Variants in LSG1 observed in about 807,000 individuals in gnomAD.
The protein encoded by LSG1 is large 60S subunit nuclear export GTPase 1, also known as large subunit GTPase 1 homolog.
Under a neutral mutation model 82.6 loss-of-function variants are expected in LSG1, and 55 were observed. The observed-to-expected ratio is 0.67, with a 90% confidence interval of 0.54 to 0.83. The LOEUF (loss-of-function observed/expected upper bound fraction) is 0.83, where lower values mean the gene tolerates loss of function less well. LSG1 is among the 40% of genes least tolerant of loss of function. The pLI, the probability that LSG1 is intolerant of heterozygous loss-of-function variation, is 0.00. For synonymous variants in LSG1, 272 were observed against 282.5 expected (o/e 0.96, Z 0.37); for missense variants, 809 against 807.9 (o/e 1.00, Z -0.02).
Position 194,645,519 on chromosome 3 carries a change from C to CACACACAGACACACACACACACACACAG in LSG1, c.1623+644_1623+645insCTGTGTGTGTGTGTGTGTGTCTGTGTGT, listed in dbSNP as rs1560219542. 5.2e-4 allele frequency: 27 copies of CACACACAGACACACACACACACACACAG among 52,018 alleles called. 1 individual carries two copies. The highest frequency in any genetic ancestry group is 6.8e-4 in the African/African-American group (11 of 16,294). The allele number at this position is 52,018 out of a possible 1,614,324, so 3.2% of individuals were successfully genotyped here. A position where few individuals can be genotyped will look rare whatever the true frequency, so the allele number is the denominator to read the frequency against. On this transcript the variant is annotated intron_variant, in intron 12 of 13. Transcript: ENST00000265245. Reference sequence around the variant, plus strand: ...CTACACACACACACACACACACACACACACACACACAGACAGACACACACA... The same window carrying CACACACAGACACACACACACACACACAG: ...CTACACACACACACACACACACACACACACACAGACACACACACACACACACAGACACACACACAGACAGACACACACA...
At position 194,641,852 on chromosome 3, in the gene LSG1, A is replaced by C. The variant is rs574135683; in HGVS notation, c.*216T>G. 14 of 442,898 alleles carry C rather than the reference A, an allele frequency of 3.2e-5. No homozygotes were observed. The highest frequency in any genetic ancestry group is 5.5e-5 in the Non-Finnish European group (14 of 253,194). The allele number at this position is 442,898 out of a possible 1,614,324, so 27.4% of individuals were successfully genotyped here. The stretch of plus-strand genomic sequence containing the variant: ...TGAGCCACTGTGCCCGGCCAGGAGT[A>C]GGATTCTCGGGCTCCCAGATGACTC... On this transcript the variant is annotated 3_prime_UTR_variant, in exon 14 of 14. Coordinates refer to ENST00000265245, the MANE Select transcript of LSG1 (RefSeq NM_018385.3).
At position 194,653,157 on chromosome 3, in the gene LSG1, G is replaced by C; in HGVS notation, c.760-15C>G. 1 of 1,606,478 alleles carries C rather than the reference G, an allele frequency of 6.2e-7. No individual in the cohort carries two copies. The highest frequency in any genetic ancestry group is 8.5e-7 in the Non-Finnish European group (1 of 1,175,668). ...TTTGCCTCTTCCTGACAAAATAATA[G>C]AAACGCTCAGAAGTATATAACTGCA... On this transcript the variant is annotated splice_polypyrimidine_tract_variant and intron_variant, in intron 7 of 13. Transcript: ENST00000265245.
chr3:194,652,655 G>A, intron 8 of LSG1, 74 bp downstream of exon 8: 4 of 1,506,774 alleles, frequency 2.7e-6, no homozygotes, highest in Admixed American at 1.9e-5. Context: ...TGGTCTTTGG[G>A]GTCGTGCAGC....
Position 194,651,033 on chromosome 3 carries a change from C to T in LSG1, c.1276-9G>A. 1 of 1,613,748 alleles carries T rather than the reference C, an allele frequency of 6.2e-7. No homozygotes were observed. Among genetic ancestry groups the T allele is most frequent in the Non-Finnish European group, 8.5e-7 (1 of 1,179,788 alleles). ...GGCTCCACATAGAGAGTCTGGAAGA[C>T]AAGCAAGAGGTTTGAGCTGGGTATA... On this transcript the variant is annotated splice_polypyrimidine_tract_variant and intron_variant, in intron 9 of 13. Coordinates refer to ENST00000265245, the MANE Select transcript of LSG1 (RefSeq NM_018385.3).
intron 5 of LSG1, among the ~76,000 whole-genome samples, chr3:194,661,835 A>C (rs144159008): frequency 6.6e-6 from 1 of 152,244 alleles, no homozygotes; most frequent in Non-Finnish European, 1.5e-5. Context: ...GAAATATCAC[A>C]TAACAAAAAT....
intron 10 of LSG1, among the ~76,000 whole-genome samples, chr3:194,650,551 T>G (rs921777177): frequency 3.3e-5 from 5 of 152,230 alleles, no homozygotes; most frequent in Non-Finnish European, 7.3e-5. Context: ...GAGATAGATT[T>G]TCCCCCACTT....
chr3:194,660,794 A>G, intron 5 of LSG1: 2 of 450,814 alleles, frequency 4.4e-6, no homozygotes, highest in Non-Finnish European at 8.9e-6. Context: ...TCCATCACGT[A>G]TAAGAAAGTA....
intron 2 of LSG1, 84 bp downstream of exon 2, chr3:194,669,925 C>T (rs1270401140): frequency 2.0e-6 from 3 of 1,490,286 alleles, no homozygotes; most frequent in South Asian, 2.5e-5. Flanking sequence ...AGCGAGACTC[C>T]ATCTCAAAAC....
chr3:194,643,690 G>A (rs775263798), intron 13 of LSG1, among the ~76,000 whole-genome samples: 2 of 152,072 alleles, frequency 1.3e-5, no homozygotes, highest in South Asian at 4.2e-4. Flanking sequence ...GCAACCCCAC[G>A]CCGAGGTATA....
At chr3:194,650,714 AAT>A in intron 10 of LSG1, 165 bp downstream of exon 10, 1 of 636,232 alleles carries the variant, frequency 1.6e-6, no homozygotes, top group Middle Eastern at 4.4e-4. Flanking sequence ...GAAATCAGGA[AAT>A]GAGGTTCTAT....
intron 13 of LSG1, among the ~76,000 whole-genome samples, chr3:194,643,414 G>T (rs1402373527): frequency 2.0e-5 from 3 of 152,066 alleles, no homozygotes; most frequent in African/African-American, 7.2e-5. Context: ...TTTCTCTAAA[G>T]AAAATATACA....
intron 10 of LSG1, among the ~76,000 whole-genome samples, chr3:194,650,278 A>G (rs922888797): frequency 2.6e-5 from 4 of 152,152 alleles, no homozygotes; most frequent in Non-Finnish European, 4.4e-5. Flanking sequence ...GCACTGTCCT[A>G]GATGCTTTAT....
At chr3:194,656,493 AAAC>A (rs1196229844) in intron 7 of LSG1, among the ~76,000 whole-genome samples, 10 of 152,042 alleles carry the variant, frequency 6.6e-5, no homozygotes, top group African/African-American at 1.9e-4. Flanking sequence ...AAAAGTCAGG[AAAC>A]AACAGGTGCT....
intron 6 of LSG1, 29 bp downstream of exon 6, chr3:194,660,041 CTGA>C: frequency 1.3e-6 from 2 of 1,584,036 alleles, no homozygotes; most frequent in Middle Eastern, 1.7e-4. Flanking sequence ...ACTCAAAGGA[CTGA>C]TGTTTGAATT....
intron 13 of LSG1, 93 bp downstream of exon 13, chr3:194,644,480 G>A (rs1192422055): frequency 2.7e-6 from 2 of 747,680 alleles, no homozygotes; most frequent in Non-Finnish European, 3.9e-6. Context: ...CCTTTTTGGG[G>A]TTAATAAAAT....
intron 8 of LSG1, among the ~76,000 whole-genome samples, chr3:194,652,159 T>C (rs923498163): frequency 3.3e-5 from 5 of 152,206 alleles, no homozygotes; most frequent in African/African-American, 4.8e-5. Flanking sequence ...TAGCTAAGGA[T>C]GGGGCCATCT....
chr3:194,658,836 A>G (rs1048388143), intron 7 of LSG1, 121 bp downstream of exon 7: 2 of 1,009,392 alleles, frequency 2.0e-6, no homozygotes, highest in Middle Eastern at 2.2e-4. Context: ...TCCAGCACAC[A>G]GAGGAAAAAC....
intron 13 of LSG1, 107 bp from the exon 14 acceptor site, chr3:194,642,354 T>C (rs529430053): frequency 8.0e-5 from 71 of 884,732 alleles, no homozygotes; most frequent in Middle Eastern, 6.5e-4. Flanking sequence ...AGTCAGTCAC[T>C]GGGTGAACTT....
intron 13 of LSG1, among the ~76,000 whole-genome samples, chr3:194,642,839 T>A (rs1426867278): frequency 6.6e-6 from 1 of 152,236 alleles, no homozygotes. Context: ...TTCCAAATAC[T>A]GGTATGTACC....
Sources: gnomAD v4.1 joint callset for allele counts (sites outside exome capture counted in the v4.1 genomes callset) on GRCh38, gnomAD v4.1.1 for gene constraint, MANE v1.5 for transcripts, NCBI Gene and HGNC (gene_info 2026-07-23, HGNC 2026-07-21) for gene names.